TMEM131: variants seen among roughly 807,000 people sequenced by gnomAD.
The protein encoded by TMEM131 is 2610524E03Rik.
TMEM131 carries 66 observed loss-of-function variants against 211.6 expected under a neutral mutation model. The ratio of observed to expected loss-of-function variants is 0.31; its 90% CI spans 0.26 to 0.38. The LOEUF is 0.38. TMEM131 is among the 10% of genes least tolerant of loss of function. The pLI is 1.00. For missense variants in TMEM131, 2,036 were observed against 2,299.3 expected, an observed-to-expected ratio of 0.89 and a Z score of 2.34; for synonymous variants, 844 against 841.3, an observed-to-expected ratio of 1.00 and a Z score of -0.06.
At chr2:97,831,767 T>C (rs1277829831) in intron 11 of TMEM131, among the ~76,000 whole-genome samples, 1 of 146,914 alleles carries the variant, frequency 6.8e-6, no homozygotes, top group East Asian at 2.0e-4. Context: ...CCTCTGAGGT[T>C]CAGGCAATTC....
chr2:97,818,562 A>T (rs374398506), intron 12 of TMEM131, 51 bp downstream of exon 12: 3 of 1,211,808 alleles, frequency 2.5e-6, no homozygotes. Flanking sequence ...GATGCTTTCT[A>T]GTTTATCAAA....
chr2:97,840,591 T>G (rs1261005834), intron 7 of TMEM131, among the ~76,000 whole-genome samples: 2 of 152,200 alleles, frequency 1.3e-5, no homozygotes, highest in Non-Finnish European at 2.9e-5. Context: ...CCCTGTCTTT[T>G]GTAAAAACAG....
chr2:97,814,620 A>G (rs1681729059), intron 13 of TMEM131, among the ~76,000 whole-genome samples: 1 of 152,200 alleles, frequency 6.6e-6, no homozygotes. Context: ...TATGAATCAT[A>G]CAATTAGAAT....
chr2:97,816,111 C>CAGCCAGATCACCTGAGGT (rs1681816444), intron 12 of TMEM131, among the ~76,000 whole-genome samples: 1 of 152,190 alleles, frequency 6.6e-6, no homozygotes, highest in Non-Finnish European at 1.5e-5. Context: ...CAGGCTGAGG[C>CAGCCAGATCACCTGAGGT]AGCCAGATCA....
rs75114879 is a variant in TMEM131, at chr2:97,905,674, C to A, written c.290+2984G>T. Among the ~76,000 whole-genome samples the A allele has an allele frequency of 3.7e-3, 566 of 152,320 alleles. 33 individuals are homozygous for A. In the East Asian group the frequency reaches 0.094, roughly 25 times the overall value. ...TCTTAATCCTATCCAGTGAAATACTCATTTCAGAAACAACATTTTTCAACT... is the reference window on the plus strand; with the variant it reads ...TCTTAATCCTATCCAGTGAAATACTAATTTCAGAAACAACATTTTTCAACT... On this transcript the variant is annotated intron_variant, in intron 3 of 40. Coordinates refer to ENST00000186436, the MANE Select transcript of TMEM131 (RefSeq NM_015348.2).
intron 1 of TMEM131, among the ~76,000 whole-genome samples, chr2:97,952,117 A>T (rs1678348204): frequency 6.6e-6 from 1 of 151,740 alleles, no homozygotes; most frequent in South Asian, 2.1e-4. Context: ...AGATCACGCC[A>T]CTGCACTCCA....
At chr2:97,914,557 T>C (rs1676430277) in intron 2 of TMEM131, among the ~76,000 whole-genome samples, 1 of 152,214 alleles carries the variant, frequency 6.6e-6, no homozygotes, top group Non-Finnish European at 1.5e-5. Flanking sequence ...CCCCAAGCCC[T>C]GGCAACCATT....
At chr2:97,815,665 C>A (rs529348345) in intron 12 of TMEM131, among the ~76,000 whole-genome samples, 1 of 152,196 alleles carries the variant, frequency 6.6e-6, no homozygotes, top group South Asian at 2.1e-4. Flanking sequence ...TTCTTCGTTG[C>A]GGAGGCTGTT....
intron 2 of TMEM131, among the ~76,000 whole-genome samples, chr2:97,921,739 T>C (rs570471755): frequency 6.6e-6 from 1 of 151,980 alleles, no homozygotes; most frequent in South Asian, 2.1e-4. Flanking sequence ...AACAGCAAAA[T>C]GGGTAAAAGA....
At chr2:97,974,032 C>T (rs58690282) in intron 1 of TMEM131, among the ~76,000 whole-genome samples, 11,768 of 152,154 alleles carry the variant, frequency 0.077, 518 homozygotes, top group Middle Eastern at 0.12. Flanking sequence ...TGACCCAATA[C>T]GAGAATAATC....
chr2:97,902,315 G>A (rs1053981263), intron 3 of TMEM131, among the ~76,000 whole-genome samples: 2 of 152,000 alleles, frequency 1.3e-5, no homozygotes, highest in African/African-American at 4.8e-5. Context: ...CTTTTTTTAT[G>A]GCTGTAACAG....
At chr2:97,807,787 G>A (rs1246281326) in intron 19 of TMEM131, among the ~76,000 whole-genome samples, 2 of 152,058 alleles carry the variant, frequency 1.3e-5, no homozygotes, top group African/African-American at 4.8e-5. Flanking sequence ...ATCATTGATT[G>A]AGAAGGTAAT....
intron 32 of TMEM131, among the ~76,000 whole-genome samples, chr2:97,774,680 A>G (rs1016299243): frequency 6.6e-6 from 1 of 152,164 alleles, no homozygotes; most frequent in East Asian, 1.9e-4. Flanking sequence ...CAGTGGTGTG[A>G]GCAGGAAGAG....
At chr2:97,984,394 C>A (rs1470770282) in intron 1 of TMEM131, among the ~76,000 whole-genome samples, 17 of 151,578 alleles carry the variant, frequency 1.1e-4, no homozygotes, top group Admixed American at 1.1e-3. Flanking sequence ...ATGTCTCAGT[C>A]CATTTGAGTT....
intron 32 of TMEM131, 70 bp from the exon 33 acceptor site, chr2:97,772,494 T>C (rs1163658737): frequency 1.3e-6 from 2 of 1,497,640 alleles, no homozygotes; most frequent in Non-Finnish European, 1.8e-6. Context: ...CATTTTAAGA[T>C]ACAGACACAA....
At position 97,824,354 on chromosome 2, in the gene TMEM131, T is replaced by C. The variant is rs543284593; in HGVS notation, c.1075-5633A>G. 3.9e-5 allele frequency among the ~76,000 whole-genome samples: 6 copies of C among 152,284 alleles called. No homozygotes were observed. The South Asian group carries it at 8.3e-4, about 21-fold the overall frequency. Reference sequence around the variant, plus strand: ...CGTTTAACCATTGAAGGCCAGGAAATTGACTTCCACCTGGACACTGGTGCA... The same window carrying C: ...CGTTTAACCATTGAAGGCCAGGAAACTGACTTCCACCTGGACACTGGTGCA... On this transcript the variant is annotated intron_variant, in intron 11 of 40. Transcript: ENST00000186436.
intron 5 of TMEM131, among the ~76,000 whole-genome samples, chr2:97,854,708 A>G (rs1002473978): frequency 4.6e-5 from 7 of 151,930 alleles, no homozygotes; most frequent in African/African-American, 1.5e-4. Flanking sequence ...TTCTCCTCTC[A>G]CCCATGCTCA....
chr2:97,890,823 T>C (rs1417039342), intron 3 of TMEM131, among the ~76,000 whole-genome samples: 2 of 152,236 alleles, frequency 1.3e-5, no homozygotes, highest in Admixed American at 1.3e-4. Flanking sequence ...TTTTATGTCT[T>C]GTGCTAAGAT....
Position 97,757,085 on chromosome 2 carries a change from G to A in TMEM131, c.*14C>T. The stretch of plus-strand genomic sequence containing the variant: ...AGACGAGGGCCCACTATGTTTGTTT[G>A]TTTTTTGCTTAATTTAATTCTCGTG... On this transcript the variant is annotated 3_prime_UTR_variant, in exon 41 of 41. Transcript: ENST00000186436. The A allele has an allele frequency of 2.5e-6, 4 of 1,571,882 alleles. No individual in the cohort carries two copies. The highest frequency in any genetic ancestry group is 3.5e-6 in the Non-Finnish European group (4 of 1,155,306).
Sources: allele counts gnomAD v4.1 joint callset (sites outside exome capture counted in the v4.1 genomes callset), GRCh38; gene constraint gnomAD v4.1.1; transcripts MANE v1.5; gene names NCBI Gene and HGNC (gene_info 2026-07-23, HGNC 2026-07-21).